The following TRPM1 variants were observed in gnomAD, a reference collection of about 807,000 sequenced individuals.
TRPM1 encodes TRPM1-203 APA Isoform, Intron 10.
Under a neutral mutation model 149.4 loss-of-function variants are expected in TRPM1, and 113 were observed. The ratio of observed to expected loss-of-function variants is 0.76; its 90% confidence interval spans 0.65 to 0.88. TRPM1 has a LOEUF of 0.88. TRPM1 is among the 40% of genes least tolerant of loss of function. The pLI is 0.00. For synonymous variants in TRPM1, 741 were observed against 759.5 expected (o/e 0.98, Z 0.40); for missense variants, 1,976 against 2,038.7 (o/e 0.97, Z 0.59).
intron 2 of TRPM1, among the ~76,000 whole-genome samples, chr15:31,077,461 A>G (rs1315848102): frequency 6.6e-6 from 1 of 152,188 alleles, no homozygotes; most frequent in Non-Finnish European, 1.5e-5. Context: ...CACCAGGGAC[A>G]TCTCACACAG....
chr15:31,039,643 A>T lies in TRPM1; in HGVS notation c.2316+475T>A, dbSNP rs138718318. 9.5e-3 allele frequency among the ~76,000 whole-genome samples: 1,441 copies of T among 152,324 alleles called. 24 individuals carry two copies. The highest frequency in any genetic ancestry group is 0.033 in the African/African-American group (1,387 of 41,562). On this transcript the variant is annotated intron_variant, in intron 18 of 27. Coordinates refer to ENST00000256552, the MANE Select transcript of TRPM1 (RefSeq NM_001252024.2). ...CTATATCTTTTTCAAACCCTTTCGT[A>T]GCTTCCTATTTTCTTGTAATTTTCT...
intron 22 of TRPM1, among the ~76,000 whole-genome samples, chr15:31,031,598 C>T (rs2033083451): frequency 6.6e-6 from 1 of 152,142 alleles, no homozygotes; most frequent in Non-Finnish European, 1.5e-5. Context: ...CTGAGCAATG[C>T]CCTGGTTACT....
chr15:31,025,537 A>C (rs908568852), intron 27 of TRPM1, among the ~76,000 whole-genome samples: 30 of 152,208 alleles, frequency 2.0e-4, no homozygotes, highest in African/African-American at 7.0e-4. Context: ...CGCGGAGATT[A>C]GGCTGACCTT....
At chr15:31,068,649 C>A (rs1359682910) in intron 4 of TRPM1, among the ~76,000 whole-genome samples, 1 of 146,462 alleles carries the variant, frequency 6.8e-6, no homozygotes, top group East Asian at 2.1e-4. Context: ...GAAGCTGAGG[C>A]AGGAGGATCA....
chr15:31,141,802 A>G (rs938448852), intron 1 of TRPM1, among the ~76,000 whole-genome samples: 1 of 152,242 alleles, frequency 6.6e-6, no homozygotes, highest in African/African-American at 2.4e-5. Flanking sequence ...GTTGGTTAAA[A>G]TTGGTTGTGA....
chr15:31,088,244 A>G (rs2035058360), intron 1 of TRPM1, among the ~76,000 whole-genome samples: 1 of 152,242 alleles, frequency 6.6e-6, no homozygotes, highest in Non-Finnish European at 1.5e-5. Context: ...TCTCTGTAAA[A>G]TGGACCAATC....
chr15:31,154,087 G>A (rs2036337329), intron 1 of TRPM1, among the ~76,000 whole-genome samples: 1 of 152,222 alleles, frequency 6.6e-6, no homozygotes, highest in South Asian at 2.1e-4. Flanking sequence ...CCTAATTTTA[G>A]CAGTTTGAAA....
At chr15:31,005,080 T>G (rs2031938492) in intron 27 of TRPM1, among the ~76,000 whole-genome samples, 1 of 145,758 alleles carries the variant, frequency 6.9e-6, no homozygotes, top group African/African-American at 2.6e-5. Flanking sequence ...CCAGCCTGGA[T>G]GACAGAGCGA....
chr15:31,044,039 C>T (rs1376043245), intron 16 of TRPM1, among the ~76,000 whole-genome samples: 1 of 152,080 alleles, frequency 6.6e-6, no homozygotes, highest in African/African-American at 2.4e-5. Flanking sequence ...CAGGATATTT[C>T]TATACAAGGA....
At chr15:31,160,441 A>C (rs181802640) in intron 1 of TRPM1, among the ~76,000 whole-genome samples, 43 of 152,252 alleles carry the variant, frequency 2.8e-4, no homozygotes, top group African/African-American at 1.0e-3. Context: ...TTCCTCTGCC[A>C]GACCCCATCC....
At chr15:31,103,824 AAAAAGAG>A, upstream of TRPM1, among the ~76,000 whole-genome samples, 1 of 151,896 alleles carries the variant, frequency 6.6e-6, no homozygotes, top group Non-Finnish European at 1.5e-5. Context: ...AAAAAAAAAA[AAAAAGAG>A]AGAAAGAAAG....
At chr15:31,101,761 A>C (rs2035522953), upstream of TRPM1, 1 of 978,472 alleles carries the variant, frequency 1.0e-6, no homozygotes, top group African/African-American at 1.7e-5. Flanking sequence ...TAAGAGGAGC[A>C]GTCCCCATGA....
rs1245177352 is a variant in TRPM1, at chr15:31,046,232, G to A, written c.1766C>T (p.Pro589Leu). The change falls in exon 16 of 28, where the codon CCT becomes CTT. Residue 589 changes from proline to leucine, a missense_variant and splice_region_variant. Around this residue, in one of 3 missense-constraint regions of TRPM1, gnomAD observed 1,332 missense variants for 1,347.1 expected, o/e 0.99. Transcript: ENST00000256552. ...CATTCCCAGAAGTTTAAGAGCTTTAGGCTGCATGGTGAAAGAGGAAGAAAA... is the reference window on the plus strand; with the variant it reads ...CATTCCCAGAAGTTTAAGAGCTTTAAGCTGCATGGTGAAAGAGGAAGAAAA... ...LYNNLFGPKR[P>L]KALKLLGMED... 10 of 1,610,934 alleles carry A rather than the reference G, an allele frequency of 6.2e-6. No individual in the cohort carries two copies. Among genetic ancestry groups the A allele is most frequent in the Non-Finnish European group, 8.5e-6 (10 of 1,179,836 alleles).
At chr15:31,016,986 C>A (rs572208100) in intron 27 of TRPM1, among the ~76,000 whole-genome samples, 23 of 100,342 alleles carry the variant, frequency 2.3e-4, no homozygotes, top group African/African-American at 6.3e-4. Flanking sequence ...CACACACACA[C>A]ACAAAAAAAA....
intron 14 of TRPM1, 38 bp from the exon 15 acceptor site, chr15:31,047,289 C>G (rs199914012): frequency 6.2e-7 from 1 of 1,613,616 alleles, no homozygotes; most frequent in Non-Finnish European, 8.5e-7. Flanking sequence ...TGTGAGAATG[C>G]GTTCGCAGTG....
chr15:31,088,393 C>T lies in TRPM1; in HGVS notation c.-83-6955G>A, dbSNP rs1023546492. ...TCTCCCTTGGCAATAAATGTTATTG[C>T]TGCAAGCAGAAAGTGTCTGGGTTGG... On this transcript the variant is annotated intron_variant, in intron 1 of 27. Transcript: ENST00000256552. 7.2e-5 allele frequency among the ~76,000 whole-genome samples: 11 copies of T among 152,168 alleles called. No individual in the cohort carries two copies. In the South Asian group the frequency reaches 8.3e-4, roughly 11 times the overall value.
chr15:31,029,442 A>G lies in TRPM1; in HGVS notation c.3128-51T>C. 1.9e-6 allele frequency: 3 copies of G among 1,582,352 alleles called. No individual in the cohort carries two copies. In the South Asian group the frequency reaches 3.3e-5, roughly 18 times the overall value. ...TTTTGTTTTGTTTTGTTTTGACAGG[A>G]GGGGAGGAAAGAAAATAAGATGATG... On this transcript the variant is annotated intron_variant, in intron 23 of 27. Transcript: ENST00000256552.
At chr15:31,016,983 ACACAC>A (rs759449431) in intron 27 of TRPM1, among the ~76,000 whole-genome samples, 8,239 of 135,170 alleles carry the variant, frequency 0.061, 336 homozygotes, top group Admixed American at 0.14. Context: ...ACACACACAC[ACACAC>A]AAAAAAAAAA....
At chr15:31,115,107 CATT>C in intron 1 of TRPM1, among the ~76,000 whole-genome samples, 1 of 151,884 alleles carries the variant, frequency 6.6e-6, no homozygotes, top group Non-Finnish European at 1.5e-5. Context: ...ATACAAAAAA[CATT>C]AGTCGAGCAT....
Sources: allele counts gnomAD v4.1 joint callset (sites outside exome capture counted in the v4.1 genomes callset), GRCh38; gene constraint gnomAD v4.1.1; regional missense constraint gnomAD v4.1.1; transcripts MANE v1.5; gene names NCBI Gene and HGNC (gene_info 2026-07-23, HGNC 2026-07-21).